The following CSMD1 variants were observed in gnomAD, a reference collection of about 807,000 sequenced individuals.
CSMD1 encodes CUB and Sushi multiple domains 1.
CSMD1 carries 213 observed loss-of-function variants against 417.5 expected under a neutral mutation model. The ratio of observed to expected loss-of-function variants is 0.51; its 90% CI spans 0.46 to 0.57. CSMD1 has a LOEUF of 0.57. Among genes scored for constraint, CSMD1 ranks in the 20% least tolerant of loss-of-function variants. CSMD1 has a pLI of 0.00. For missense variants in CSMD1, 6,923 were observed against 4,529.7 expected (o/e 1.53, Z -15.17); for synonymous variants, 2,862 against 1,736.8 (o/e 1.65, Z -16.11).
At chr8:3,447,533 A>G (rs187875381) in intron 12 of CSMD1, among the ~76,000 whole-genome samples, 2 of 152,280 alleles carry the variant, frequency 1.3e-5, no homozygotes, top group African/African-American at 2.4e-5. Context: ...CTGGTGTGGG[A>G]CAGGTGGCAC....
intron 52 of CSMD1, among the ~76,000 whole-genome samples, chr8:3,003,600 T>A (rs1807604779): frequency 6.6e-6 from 1 of 152,212 alleles, no homozygotes; most frequent in Non-Finnish European, 1.5e-5. Context: ...TCATGATGAT[T>A]TGTTGTGGGT....
intron 42 of CSMD1, among the ~76,000 whole-genome samples, chr8:3,116,864 A>T (rs1445955248): frequency 6.6e-6 from 1 of 152,138 alleles, no homozygotes; most frequent in African/African-American, 2.4e-5. Context: ...AAAAGAATTT[A>T]TACATATATA....
chr8:3,511,345 G>A (rs1293084348), intron 10 of CSMD1, among the ~76,000 whole-genome samples: 3 of 150,646 alleles, frequency 2.0e-5, no homozygotes, highest in African/African-American at 5.0e-5. Flanking sequence ...AAACCTGCAC[G>A]TTCTGCACAT....
chr8:3,154,183 G>A (rs561514801), intron 39 of CSMD1, among the ~76,000 whole-genome samples: 17 of 152,306 alleles, frequency 1.1e-4, no homozygotes, highest in African/African-American at 3.1e-4. Flanking sequence ...ATGTTGGTCA[G>A]GCTGGTCTCG....
intron 57 of CSMD1, among the ~76,000 whole-genome samples, chr8:2,972,182 T>C (rs1490078048): frequency 2.0e-5 from 3 of 152,106 alleles, no homozygotes; most frequent in African/African-American, 4.8e-5. Context: ...TATTTACCTA[T>C]ATAGAATGTA....
chr8:4,811,303 T>G (rs547815943), intron 1 of CSMD1, among the ~76,000 whole-genome samples: 2 of 152,206 alleles, frequency 1.3e-5, no homozygotes, highest in Non-Finnish European at 2.9e-5. Flanking sequence ...TAGTATTAAT[T>G]GGGAATATTG....
intron 3 of CSMD1, among the ~76,000 whole-genome samples, chr8:4,168,182 C>G (rs966186361): frequency 1.3e-5 from 2 of 151,442 alleles, no homozygotes; most frequent in Non-Finnish European, 2.9e-5. Flanking sequence ...CACACATACA[C>G]ACACACGTAT....
At chr8:4,713,067 G>A (rs1364512896) in intron 1 of CSMD1, among the ~76,000 whole-genome samples, 1 of 152,146 alleles carries the variant, frequency 6.6e-6, no homozygotes, top group Non-Finnish European at 1.5e-5. Flanking sequence ...TGCCAGAATC[G>A]GTCCCCGCTG....
intron 1 of CSMD1, among the ~76,000 whole-genome samples, chr8:4,871,259 C>A (rs909055119): frequency 6.6e-6 from 1 of 151,806 alleles, no homozygotes; most frequent in Non-Finnish European, 1.5e-5. Flanking sequence ...TGTGACAGCC[C>A]ATTTTCTTAG....
intron 25 of CSMD1, among the ~76,000 whole-genome samples, chr8:3,305,047 A>ATTAATTTATTTACTTAAGACTG (rs1563250353): frequency 1.3e-5 from 2 of 152,130 alleles, no homozygotes; most frequent in Non-Finnish European, 2.9e-5. Flanking sequence ...ATTTAATTTA[A>ATTAATTTATTTACTTAAGACTG]TTAATTTATT....
chr8:3,039,576 C>A (rs903957582), intron 50 of CSMD1, among the ~76,000 whole-genome samples: 1 of 151,712 alleles, frequency 6.6e-6, no homozygotes, highest in African/African-American at 2.4e-5. Flanking sequence ...CTTCCTCATA[C>A]ATTATGACAA....
intron 1 of CSMD1, among the ~76,000 whole-genome samples, chr8:4,663,467 C>T (rs779345183): frequency 2.4e-4 from 36 of 152,056 alleles, no homozygotes; most frequent in Non-Finnish European, 3.8e-4. Flanking sequence ...GGAGGAGGGG[C>T]CTGGTGGGAG....
intron 3 of CSMD1, among the ~76,000 whole-genome samples, chr8:4,353,014 G>C (rs1415953006): frequency 1.3e-5 from 2 of 152,116 alleles, no homozygotes; most frequent in Admixed American, 1.3e-4. Flanking sequence ...TATTTCCTCT[G>C]GATACTATTT....
chr8:4,616,619 A>C (rs1801488961), intron 2 of CSMD1, among the ~76,000 whole-genome samples: 1 of 152,244 alleles, frequency 6.6e-6, no homozygotes, highest in Non-Finnish European at 1.5e-5. Flanking sequence ...AGGATCTAGC[A>C]ACTACTGACA....
At chr8:3,287,930 G>A (rs1374060986) in intron 25 of CSMD1, among the ~76,000 whole-genome samples, 2 of 146,018 alleles carry the variant, frequency 1.4e-5, no homozygotes, top group Non-Finnish European at 3.0e-5. Flanking sequence ...TATGATATTG[G>A]CTGTGGGTTT....
At chr8:4,839,526 C>G (rs1286612764) in intron 1 of CSMD1, among the ~76,000 whole-genome samples, 1 of 152,110 alleles carries the variant, frequency 6.6e-6, no homozygotes, top group African/African-American at 2.4e-5. Context: ...GCTCTGGGAG[C>G]AATTTCTTTT....
At chr8:3,772,536 TATATACACA>T (rs1563064706) in intron 5 of CSMD1, among the ~76,000 whole-genome samples, 4 of 73,448 alleles carry the variant, frequency 5.4e-5, no homozygotes, top group Admixed American at 1.9e-4. Flanking sequence ...CATATATACA[TATATACACA>T]TATATACATA....
intron 27 of CSMD1, among the ~76,000 whole-genome samples, chr8:3,228,226 T>G (rs1174370012): frequency 6.6e-6 from 1 of 152,194 alleles, no homozygotes; most frequent in Non-Finnish European, 1.5e-5. Flanking sequence ...GTATTACCCT[T>G]TAATATGAAA....
At chr8:3,384,869 T>C (rs1438191451) in intron 18 of CSMD1, among the ~76,000 whole-genome samples, 6 of 122,116 alleles carry the variant, frequency 4.9e-5, no homozygotes, top group Non-Finnish European at 7.9e-5. Flanking sequence ...TATGTAAATA[T>C]ATATTATATA....
Sources: allele counts gnomAD v4.1 joint callset (sites outside exome capture counted in the v4.1 genomes callset), GRCh38; gene constraint gnomAD v4.1.1; transcripts MANE v1.5; gene names NCBI Gene and HGNC (gene_info 2026-07-23, HGNC 2026-07-21).